PDE4B: variants seen among roughly 807,000 people sequenced by gnomAD.
The protein encoded by PDE4B is 3',5'-cyclic-AMP phosphodiesterase 4B.
Under a neutral mutation model 82.2 loss-of-function variants are expected in PDE4B, and 20 were observed. That is an observed-to-expected ratio of 0.24 (90% CI 0.17 to 0.35). The LOEUF is 0.35. Ranked by LOEUF, PDE4B falls within the 10% of genes least tolerant of loss-of-function variation. PDE4B has a pLI of 1.00. For missense variants in PDE4B, 655 were observed against 907.2 expected (o/e 0.72, Z 3.57); for synonymous variants, 320 against 318.9 (o/e 1.00, Z -0.04).
intron 1 of PDE4B, among the ~76,000 whole-genome samples, chr1:65,811,722 C>A (rs1645823471): frequency 6.6e-6 from 1 of 152,000 alleles, no homozygotes; most frequent in South Asian, 2.1e-4. Context: ...AAGTTAAGTA[C>A]ATGATAGCTA....
At chr1:66,030,064 A>ATTTTTTTTTTTT in intron 3 of PDE4B, among the ~76,000 whole-genome samples, 1 of 132,120 alleles carries the variant, frequency 7.6e-6, no homozygotes, top group Non-Finnish European at 1.6e-5. Flanking sequence ...TCATGAAGGG[A>ATTTTTTTTTTTT]TGTTGGATTT....
intron 3 of PDE4B, among the ~76,000 whole-genome samples, chr1:65,938,621 A>T (rs1264272031): frequency 6.6e-6 from 1 of 152,208 alleles, no homozygotes; most frequent in Non-Finnish European, 1.5e-5. Context: ...ATGTACATTA[A>T]AAAATTATAA....
chr1:66,003,989 G>T (rs1652012240), intron 3 of PDE4B, among the ~76,000 whole-genome samples: 1 of 152,188 alleles, frequency 6.6e-6, no homozygotes. Flanking sequence ...TAGGATGCCA[G>T]GTGATATGAT....
chr1:65,965,598 G>A (rs1457202163), intron 3 of PDE4B, among the ~76,000 whole-genome samples: 1 of 151,804 alleles, frequency 6.6e-6, no homozygotes, highest in Admixed American at 6.6e-5. Context: ...TTATCTGATG[G>A]GAACAAACCC....
At chr1:65,951,532 G>T (rs1418745067) in intron 3 of PDE4B, among the ~76,000 whole-genome samples, 1 of 152,066 alleles carries the variant, frequency 6.6e-6, no homozygotes, top group Non-Finnish European at 1.5e-5. Flanking sequence ...GTAAGTCATT[G>T]TCTCCTGAGT....
At chr1:66,141,129 A>T (rs1025491287) in intron 3 of PDE4B, among the ~76,000 whole-genome samples, 4 of 151,806 alleles carry the variant, frequency 2.6e-5, no homozygotes, top group African/African-American at 9.7e-5. Flanking sequence ...ATACCTAGAA[A>T]ATTTACTCTT....
chr1:66,080,196 G>A (rs1191576130), intron 3 of PDE4B, among the ~76,000 whole-genome samples: 3 of 152,092 alleles, frequency 2.0e-5, no homozygotes, highest in Non-Finnish European at 4.4e-5. Context: ...TTGTGCCATG[G>A]CATTTTCCAT....
At chr1:66,103,922 T>A (rs1022959445) in intron 3 of PDE4B, among the ~76,000 whole-genome samples, 1 of 151,974 alleles carries the variant, frequency 6.6e-6, no homozygotes, top group African/African-American at 2.4e-5. Flanking sequence ...AGAGGCATTA[T>A]TTTTTTATTA....
At chr1:66,348,492 C>CT (rs2101980385) in intron 8 of PDE4B, among the ~76,000 whole-genome samples, 1 of 152,016 alleles carries the variant, frequency 6.6e-6, no homozygotes. Flanking sequence ...AGTTTTAGGT[C>CT]TTACGTTTCT....
At chr1:66,294,870 G>T (rs1281558493) in intron 7 of PDE4B, among the ~76,000 whole-genome samples, 3 of 152,062 alleles carry the variant, frequency 2.0e-5, no homozygotes, top group African/African-American at 7.2e-5. Flanking sequence ...GAAAGATATT[G>T]CATAGGATGT....
chr1:66,199,603 G>T (rs963752983), intron 3 of PDE4B, among the ~76,000 whole-genome samples: 4 of 151,944 alleles, frequency 2.6e-5, no homozygotes, highest in Admixed American at 2.0e-4. Context: ...ATTTTGACAC[G>T]ATCCCTTTTC....
chr1:66,109,667 T>C (rs539690663), intron 3 of PDE4B, among the ~76,000 whole-genome samples: 1 of 152,070 alleles, frequency 6.6e-6, no homozygotes, highest in South Asian at 2.1e-4. Flanking sequence ...TTTTTTAATA[T>C]ATTCATAATT....
chr1:65,884,159 A>C (rs1343885669), intron 1 of PDE4B, among the ~76,000 whole-genome samples: 1 of 152,108 alleles, frequency 6.6e-6, no homozygotes, highest in East Asian at 1.9e-4. Flanking sequence ...TATCAGGATG[A>C]TGCTGGCCTC....
intron 3 of PDE4B, among the ~76,000 whole-genome samples, chr1:65,970,774 C>T (rs929526859): frequency 6.6e-6 from 1 of 151,910 alleles, no homozygotes; most frequent in African/African-American, 2.4e-5. Flanking sequence ...GAGAACATTG[C>T]ATCTATAACA....
intron 3 of PDE4B, among the ~76,000 whole-genome samples, chr1:66,173,472 C>G (rs978171150): frequency 6.6e-6 from 1 of 152,194 alleles, no homozygotes; most frequent in Non-Finnish European, 1.5e-5. Flanking sequence ...GGAAAAAACT[C>G]AAGCAAGTGC....
intron 1 of PDE4B, among the ~76,000 whole-genome samples, chr1:65,859,289 G>A (rs1298819924): frequency 6.6e-6 from 1 of 151,898 alleles, no homozygotes. Context: ...ACAAAGTAAA[G>A]GTCAATTGAT....
chr1:66,185,863 G>T (rs921731275), intron 3 of PDE4B, among the ~76,000 whole-genome samples: 1 of 152,010 alleles, frequency 6.6e-6, no homozygotes, highest in Admixed American at 6.6e-5. Flanking sequence ...GTCAATTTTG[G>T]CTTTTGTTGC....
At chr1:66,157,298 G>A (rs1306767147) in intron 3 of PDE4B, among the ~76,000 whole-genome samples, 1 of 152,126 alleles carries the variant, frequency 6.6e-6, no homozygotes, top group African/African-American at 2.4e-5. Flanking sequence ...CACCTTTATT[G>A]TCACTTAGAC....
At chr1:65,991,902 G>T (rs920572030) in intron 3 of PDE4B, among the ~76,000 whole-genome samples, 2 of 152,116 alleles carry the variant, frequency 1.3e-5, no homozygotes, top group Non-Finnish European at 2.9e-5. Flanking sequence ...ATTTTTCCTG[G>T]TTGTTACCTT....
Sources: allele counts gnomAD v4.1 joint callset (sites outside exome capture counted in the v4.1 genomes callset), GRCh38; gene constraint gnomAD v4.1.1; transcripts MANE v1.5; gene names NCBI Gene and HGNC (gene_info 2026-07-23, HGNC 2026-07-21).